PRRC2B: variants seen among roughly 807,000 people sequenced by gnomAD.
PRRC2B encodes protein PRRC2B.
A neutral mutation model predicts 242.3 loss-of-function variants in PRRC2B; 68 were observed. The ratio of observed to expected loss-of-function variants is 0.28; its 90% CI spans 0.23 to 0.34. The LOEUF is 0.34. Ranked by LOEUF, PRRC2B falls within the 10% of genes least tolerant of loss-of-function variation. The probability of loss-of-function intolerance (pLI) is 1.00; values close to 1 mark genes in which losing one functional copy is unlikely to be tolerated. For synonymous variants in PRRC2B, 1,228 were observed against 1,173.6 expected, an observed-to-expected ratio of 1.05 and a Z score of -0.95; for missense variants, 2,835 against 2,954.8, an observed-to-expected ratio of 0.96 and a Z score of 0.94.
At position 131,446,577 on chromosome 9, in the gene PRRC2B, G is replaced by A. The variant is rs753543502; in HGVS notation, c.790G>A (p.Gly264Arg). ...SLRPAQPVRK[G>R]ASQFMGNVYH... ...CCGCCCGGCTCAGCCTGTCCGAAAAGGGGCTTCACAGTTCATGGGAAATGT... is the reference window on the plus strand; with the variant it reads ...CCGCCCGGCTCAGCCTGTCCGAAAAAGGGCTTCACAGTTCATGGGAAATGT... The change falls in exon 7 of 32, where the codon GGG (glycine) becomes AGG (arginine). Residue 264 changes from glycine to arginine, a missense_variant. By Grantham distance (125) the Gly-to-Arg change is moderately radical. Around this residue, in one of 7 missense-constraint regions of PRRC2B, gnomAD observed 626 missense variants for 685.5 expected, o/e 0.91. Transcript: ENST00000683519. The surrounding 1 kb of genome is among the most constrained non-coding windows in gnomAD (Gnocchi z 4.1). The A allele has an allele frequency of 2.5e-6, 4 of 1,613,964 alleles. No individual in the cohort carries two copies. The South Asian group carries it at 4.4e-5, about 18-fold the overall frequency.
chr9:131,429,261 T>TTGAGTGAGTGAG lies in PRRC2B; in HGVS notation c.-51-809_-51-798dup, dbSNP rs36119236. On this transcript the variant is annotated intron_variant, in intron 1 of 31. Coordinates refer to ENST00000683519, the MANE Select transcript of PRRC2B (RefSeq NM_013318.4). ...CACGCCCAGCCAGGCGCTTAGTATTTTGAGTGAGTGAGTGAGTGAGTGAGT... is the reference window on the plus strand; with the variant it reads ...CACGCCCAGCCAGGCGCTTAGTATTTTGAGTGAGTGAGTGAGTGAGTGAGTGAGTGAGTGAGT... Among the ~76,000 whole-genome samples, 463 of 151,878 alleles carry TTGAGTGAGTGAG rather than the reference T, an allele frequency of 3.0e-3. 2 individuals are homozygous for TTGAGTGAGTGAG. The highest frequency in any genetic ancestry group is 0.01 in the African/African-American group (427 of 41,368).
intron 11 of PRRC2B, 139 bp downstream of exon 11, chr9:131,459,495 G>C: frequency 1.2e-6 from 1 of 804,404 alleles, no homozygotes; most frequent in Non-Finnish European, 1.9e-6. Context: ...ATAGAGACAG[G>C]GTCTCACTAT....
intron 12 of PRRC2B, among the ~76,000 whole-genome samples, chr9:131,466,498 A>T (rs1029378749): frequency 6.6e-6 from 1 of 152,218 alleles, no homozygotes; most frequent in African/African-American, 2.4e-5. Flanking sequence ...CTTTTAAAAA[A>T]ATGTTTTTTC....
chr9:131,463,628 C>CTTTTTTTTTTTTTTTTTTTTT (rs374951504), intron 11 of PRRC2B, among the ~76,000 whole-genome samples: 6 of 125,780 alleles, frequency 4.8e-5, no homozygotes, highest in Non-Finnish European at 4.8e-5. Context: ...TTTAGGCATG[C>CTTTTTTTTTTTTTTTTTTTTT]TTTTTTTTTT....
chr9:131,491,477 C>T lies in PRRC2B; in HGVS notation c.6278C>T (p.Pro2093Leu). The change falls in exon 29 of 32, where the codon CCC becomes CTC. Residue 2093 changes from proline (P) to leucine (L), a missense_variant. Pro to Leu is a moderately conservative substitution (Grantham distance 98, BLOSUM62 -3). Coordinates refer to ENST00000683519, the MANE Select transcript of PRRC2B (RefSeq NM_013318.4). ...TCCGGGCAGCAGCCACTGATCCTGC[C>T]CCAGTCTATTCAGCTGCCACCTGGG... ...YGSGQQPLILPQSIQLPPGQS... is the reference protein window; with the variant it reads ...YGSGQQPLILLQSIQLPPGQS... The T allele has an allele frequency of 6.2e-7, 1 of 1,612,444 alleles. No individual in the cohort carries two copies. The highest frequency in any genetic ancestry group is 8.5e-7 in the Non-Finnish European group (1 of 1,179,530).
intron 11 of PRRC2B, among the ~76,000 whole-genome samples, chr9:131,462,656 G>A (rs1943273349): frequency 6.6e-6 from 1 of 151,418 alleles, no homozygotes; most frequent in African/African-American, 2.4e-5. Flanking sequence ...TGACCAACAT[G>A]GTGAAACCCC....
intron 9 of PRRC2B, among the ~76,000 whole-genome samples, chr9:131,448,525 C>T (rs1056706886): frequency 5.2e-5 from 4 of 77,206 alleles, no homozygotes; most frequent in African/African-American, 1.8e-4. Context: ...GCTTGGGCGA[C>T]AGAGGGAGAC....
In PRRC2B at chr9:131,486,192, G is replaced by C. The variant is rs376160721; in HGVS notation, c.5856+10G>C. 12 of 1,594,714 alleles carry C rather than the reference G, an allele frequency of 7.5e-6. No individual in the cohort carries two copies. Among genetic ancestry groups the C allele is most frequent in the Admixed American group, 3.4e-5 (2 of 58,988 alleles). Reference sequence around the variant, plus strand: ...GCAGAGTTACCAACAGGTGACAGCAGCTAGCCAGGTGGCCTGGCTGGGGGT... The same window carrying C: ...GCAGAGTTACCAACAGGTGACAGCACCTAGCCAGGTGGCCTGGCTGGGGGT... On this transcript the variant is annotated intron_variant, in intron 26 of 31. Transcript: ENST00000683519.
chr9:131,429,409 C>T (rs1359957224), intron 1 of PRRC2B, among the ~76,000 whole-genome samples: 1 of 152,192 alleles, frequency 6.6e-6, no homozygotes, highest in African/African-American at 2.4e-5. Flanking sequence ...TTCAAAGGGG[C>T]AAGTGCGGAT....
chr9:131,439,129 T>C, intron 5 of PRRC2B, 68 bp downstream of exon 5: 1 of 1,404,424 alleles, frequency 7.1e-7, no homozygotes, highest in Non-Finnish European at 1.0e-6. Flanking sequence ...TTTTCCAGAA[T>C]GTCTGGTTGG....
intron 5 of PRRC2B, among the ~76,000 whole-genome samples, chr9:131,442,116 C>G (rs1838607343): frequency 6.6e-6 from 1 of 151,818 alleles, no homozygotes; most frequent in Non-Finnish European, 1.5e-5. Context: ...AATTTCAAAT[C>G]TACCTTTTTT....
In PRRC2B at chr9:131,487,492, G is replaced by A. The variant is rs1323618611; in HGVS notation, c.5984+198G>A. On this transcript the variant is annotated intron_variant, in intron 27 of 31. Transcript: ENST00000683519. This position sits in a 1 kb window ranked among gnomAD's most constrained non-coding sequence, Gnocchi z 5.3. ...GGAGAGGCCTGGGGCGAGCTGATATGTGGTGGGCCGTGTTTTGCTTTTCCA... is the reference window on the plus strand; with the variant it reads ...GGAGAGGCCTGGGGCGAGCTGATATATGGTGGGCCGTGTTTTGCTTTTCCA... 1.3e-5 allele frequency among the ~76,000 whole-genome samples: 2 copies of A among 152,152 alleles called. No individual in the cohort carries two copies. Among genetic ancestry groups the A allele is most frequent in the East Asian group, 1.9e-4 (1 of 5,182 alleles).
intron 28 of PRRC2B, among the ~76,000 whole-genome samples, chr9:131,489,609 A>G (rs1175597825): frequency 2.0e-5 from 3 of 151,614 alleles, no homozygotes; most frequent in Admixed American, 6.6e-5. Flanking sequence ...CCACCCTCCT[A>G]GCAGCTTTTC....
chr9:131,492,468 G>A (rs1324754421), intron 30 of PRRC2B, among the ~76,000 whole-genome samples: 1 of 152,178 alleles, frequency 6.6e-6, no homozygotes, highest in South Asian at 2.1e-4. Context: ...AGTGGTTTTG[G>A]TTTTAATCAT....
intron 9 of PRRC2B, 88 bp from the exon 10 acceptor site, chr9:131,454,988 C>G (rs1943031197): frequency 2.1e-6 from 2 of 972,788 alleles, no homozygotes; most frequent in African/African-American, 3.2e-5. Context: ...TCGCAAAGTA[C>G]TGGGATTACA....
At chr9:131,439,374 C>T (rs997174008) in intron 5 of PRRC2B, among the ~76,000 whole-genome samples, 9 of 152,150 alleles carry the variant, frequency 5.9e-5, no homozygotes, top group Non-Finnish European at 7.3e-5. Context: ...GGCAGCAGCT[C>T]TGAGTGGGAA....
At chr9:131,483,010 G>A in intron 22 of PRRC2B, 103 bp downstream of exon 22, 1 of 1,347,878 alleles carries the variant, frequency 7.4e-7, no homozygotes, top group Non-Finnish European at 1.0e-6. Flanking sequence ...AGGAATAGAA[G>A]GATGGGAGCC....
chr9:131,486,230 C>G lies in PRRC2B; in HGVS notation c.5856+48C>G, dbSNP rs747330611. ...CCTGGCTGGGGGTGGTGGGGAGGAG[C>G]CAGTGCAGGGCGGAATTGGCTTGCT... On this transcript the variant is annotated intron_variant, in intron 26 of 31. Transcript: ENST00000683519. The G allele has an allele frequency of 3.4e-5, 43 of 1,277,794 alleles. No homozygotes were observed. The East Asian group carries it at 7.9e-4, about 24-fold the overall frequency. 79.2% of individuals were successfully genotyped at this position (1,277,794 alleles called of 1,614,324 possible).
In PRRC2B at chr9:131,473,527, G is replaced by C. The variant is rs1943600048; in HGVS notation, c.2127G>C (p.Met709Ile). Residue 709 changes from methionine (M) to isoleucine (I), a missense_variant, in exon 15 of 32, where the codon ATG becomes ATC. This residue lies in a region of PRRC2B where 1,536 missense variants were observed against 1,483.1 expected (regional missense o/e 1.04). Coordinates refer to ENST00000683519, the MANE Select transcript of PRRC2B (RefSeq NM_013318.4). ...CTTCAGGACTGATGAAGCCCATGAT[G>C]CCCCAGGAGTCCCTCAATGGGACAG... Reference protein sequence around the residue: ...LHPSGLMKPMMPQESLNGTGC... With the variant: ...LHPSGLMKPMIPQESLNGTGC... The C allele has an allele frequency of 6.2e-7, 1 of 1,603,478 alleles. No individual in the cohort carries two copies. The highest frequency in any genetic ancestry group is 1.3e-5 in the African/African-American group (1 of 74,584).
Sources: allele counts gnomAD v4.1 joint callset (sites outside exome capture counted in the v4.1 genomes callset), GRCh38; gene constraint gnomAD v4.1.1; regional missense constraint gnomAD v4.1.1; non-coding constraint Gnocchi (gnomAD v3.1); transcripts MANE v1.5; gene names NCBI Gene and HGNC (gene_info 2026-07-23, HGNC 2026-07-21).